Variants in TYW1B observed in about 807,000 individuals in gnomAD.
The protein encoded by TYW1B is S-adenosyl-L-methionine-dependent tRNA 4-demethylwyosine synthase TYW1B.
Under a neutral mutation model 86.9 loss-of-function variants are expected in TYW1B, and 73 were observed. That is an observed-to-expected ratio of 0.84 (90% CI 0.70 to 1.02). The LOEUF (loss-of-function observed/expected upper bound fraction) is 1.02, where lower values mean the gene tolerates loss of function less well. Among genes scored for constraint, TYW1B ranks in the 50% least tolerant of loss-of-function variants. The probability of loss-of-function intolerance (pLI) is 0.00; values close to 1 mark genes in which losing one functional copy is unlikely to be tolerated. For missense variants in TYW1B, 637 were observed against 827.4 expected (o/e 0.77, Z 2.82); for synonymous variants, 248 against 292.8 (o/e 0.85, Z 1.56).
chr7:72,824,370 T>G (rs1412079836), intron 2 of TYW1B, among the ~76,000 whole-genome samples: 1 of 151,938 alleles, frequency 6.6e-6, no homozygotes, highest in East Asian at 1.9e-4. Context: ...AGGGCCAAGG[T>G]GGGTGAATAT....
At position 72,743,527 on chromosome 7, in the gene TYW1B, A is replaced by G. The variant is rs551274180; in HGVS notation, c.1082+957T>C. ...ATAGAGAACTAGGAGTTGAAGAGTAAGCAGTTGTAAGTGAAGGAAAGAAAT... is the reference window on the plus strand; with the variant it reads ...ATAGAGAACTAGGAGTTGAAGAGTAGGCAGTTGTAAGTGAAGGAAAGAAAT... On this transcript the variant is annotated intron_variant, in intron 8 of 13. Transcript: ENST00000620995. Among the ~76,000 whole-genome samples the G allele has an allele frequency of 5.3e-5, 8 of 152,242 alleles. No homozygotes were observed. In the South Asian group the frequency reaches 1.7e-3, roughly 32 times the overall value.
chr7:72,814,016 A>G (rs2129572781), intron 3 of TYW1B, among the ~76,000 whole-genome samples: 1 of 146,182 alleles, frequency 6.8e-6, no homozygotes, highest in South Asian at 2.1e-4. Flanking sequence ...ACTCCATTAA[A>G]AAAAAAAAAA....
At chr7:72,785,523 T>C (rs1554472288) in intron 6 of TYW1B, among the ~76,000 whole-genome samples, 1 of 151,452 alleles carries the variant, frequency 6.6e-6, no homozygotes, top group Non-Finnish European at 1.5e-5. Flanking sequence ...ACTTCTTTAA[T>C]CTACATAAGA....
chr7:72,716,571 C>T (rs1374153858), intron 9 of TYW1B, among the ~76,000 whole-genome samples: 2 of 152,172 alleles, frequency 1.3e-5, no homozygotes, highest in Admixed American at 6.6e-5. Context: ...AGGGATAGCA[C>T]CATGTGTGAG....
intron 8 of TYW1B, among the ~76,000 whole-genome samples, chr7:72,741,988 G>A (rs534570778): frequency 6.6e-6 from 1 of 152,106 alleles, no homozygotes; most frequent in African/African-American, 2.4e-5. Context: ...ATGCTAAAGG[G>A]AGTCCTTCAG....
At chr7:72,618,718 A>G (rs1363560085) in intron 12 of TYW1B, among the ~76,000 whole-genome samples, 2 of 152,180 alleles carry the variant, frequency 1.3e-5, no homozygotes, top group African/African-American at 2.4e-5. Context: ...AATAAACAAG[A>G]GAATCTTCTC....
intron 10 of TYW1B, among the ~76,000 whole-genome samples, chr7:72,708,728 T>C (rs1396774142): frequency 6.6e-6 from 1 of 152,198 alleles, no homozygotes; most frequent in African/African-American, 2.4e-5. Context: ...AAACTTTTTC[T>C]TTCTGTTTTC....
chr7:72,629,714 G>GT (rs1812437600), intron 11 of TYW1B, among the ~76,000 whole-genome samples: 1 of 152,028 alleles, frequency 6.6e-6, no homozygotes, highest in Non-Finnish European at 1.5e-5. Flanking sequence ...GCCCGGCTAA[G>GT]TTTAAAAATT....
chr7:72,678,903 C>A (rs1398540852), intron 11 of TYW1B, among the ~76,000 whole-genome samples: 1 of 151,572 alleles, frequency 6.6e-6, no homozygotes, highest in Non-Finnish European at 1.5e-5. Flanking sequence ...TTAAGACAAG[C>A]TGGGCAACAT....
intron 13 of TYW1B, among the ~76,000 whole-genome samples, chr7:72,603,128 GGATGGATA>G (rs782342087): frequency 1.5e-5 from 2 of 129,928 alleles, no homozygotes; most frequent in South Asian, 2.3e-4. Flanking sequence ...ATGGATGGAT[GGATGGATA>G]GATGGATGGA....
chr7:72,584,460 AT>A (rs34009372), intron 13 of TYW1B, among the ~76,000 whole-genome samples: 3,036 of 142,496 alleles, frequency 0.021, 87 homozygotes, highest in African/African-American at 0.069. Flanking sequence ...GTATATTCCA[AT>A]TTTTTTTTTT....
intron 3 of TYW1B, among the ~76,000 whole-genome samples, chr7:72,815,133 C>G (rs1226634119): frequency 6.6e-6 from 1 of 150,894 alleles, no homozygotes. Context: ...CCCAAGCTTT[C>G]TCACCTCTAG....
At chr7:72,710,872 T>C (rs781811099) in intron 10 of TYW1B, among the ~76,000 whole-genome samples, 45 of 152,240 alleles carry the variant, frequency 3.0e-4, no homozygotes, top group Non-Finnish European at 6.0e-4. Context: ...TCAATCTTTC[T>C]AGAAATAACC....
chr7:72,590,357 T>C (rs1554431195), intron 13 of TYW1B, among the ~76,000 whole-genome samples: 1 of 152,136 alleles, frequency 6.6e-6, no homozygotes, highest in Non-Finnish European at 1.5e-5. Flanking sequence ...ATATTAAGGA[T>C]CTGTGTTCTT....
chr7:72,794,638 G>A (rs1445339944), intron 6 of TYW1B, among the ~76,000 whole-genome samples: 1 of 151,868 alleles, frequency 6.6e-6, no homozygotes, highest in African/African-American at 2.4e-5. Context: ...ACACTTCTCA[G>A]CTTCTCAGAG....
At chr7:72,782,226 C>A (rs1450089501) in intron 6 of TYW1B, among the ~76,000 whole-genome samples, 1 of 152,028 alleles carries the variant, frequency 6.6e-6, no homozygotes, top group South Asian at 2.1e-4. Context: ...GAGTTCAAGG[C>A]TGTGGTGAGC....
Position 72,695,036 on chromosome 7 carries a change from C to T in TYW1B, c.1371-214G>A, listed in dbSNP as rs183536060. Among the ~76,000 whole-genome samples, 9 of 152,250 alleles carry T rather than the reference C, an allele frequency of 5.9e-5. No homozygotes were observed. The East Asian group carries it at 1.5e-3, about 26-fold the overall frequency. On this transcript the variant is annotated intron_variant, in intron 10 of 13. Coordinates refer to ENST00000620995, the MANE Select transcript of TYW1B (RefSeq NM_001145440.3). Reference sequence around the variant, plus strand: ...AAATGACTGGAAACCATCCCTAATACATTGAAAATATTGAATTACTTAAAA... The same window carrying T: ...AAATGACTGGAAACCATCCCTAATATATTGAAAATATTGAATTACTTAAAA...
Position 72,575,367 on chromosome 7 carries a change from T to G in TYW1B, c.*131A>C. ...ACGCTGTCCCCCGTGTCTCCATGTT[T>G]ACTGCCTTATCGTCTCCTTTGTATG... is the stretch of plus-strand genomic sequence containing the variant. On this transcript the variant is annotated 3_prime_UTR_variant, in exon 14 of 14. Transcript: ENST00000620995. The G allele has an allele frequency of 6.9e-7, 1 of 1,452,974 alleles. No homozygotes were observed. Among genetic ancestry groups the G allele is most frequent in the East Asian group, 2.5e-5 (1 of 40,160 alleles). The allele number at this position is 1,452,974 out of a possible 1,614,324, so 90.0% of individuals were successfully genotyped here.
chr7:72,635,781 A>T (rs1401030584), intron 11 of TYW1B, among the ~76,000 whole-genome samples: 36 of 152,350 alleles, frequency 2.4e-4, no homozygotes, highest in African/African-American at 8.4e-4. Context: ...TGAAATTTTT[A>T]AAAATGTATT....
Sources: allele counts gnomAD v4.1 joint callset (sites outside exome capture counted in the v4.1 genomes callset), GRCh38; gene constraint gnomAD v4.1.1; transcripts MANE v1.5; gene names NCBI Gene and HGNC (gene_info 2026-07-23, HGNC 2026-07-21).